NDUFAF6: variants seen among roughly 807,000 people sequenced by gnomAD.
The protein encoded by NDUFAF6 is NADH dehydrogenase (ubiquinone) complex I, assembly factor 6.
Under a neutral mutation model 40.8 loss-of-function variants are expected in NDUFAF6, and 45 were observed. The observed-to-expected ratio is 1.10, with a 90% CI of 0.87 to 1.42. The LOEUF (loss-of-function observed/expected upper bound fraction) is 1.42, where lower values mean the gene tolerates loss of function less well. Among genes scored for constraint, NDUFAF6 ranks in the 40% most tolerant of loss-of-function variants. The probability of loss-of-function intolerance (pLI) is 0.00; values close to 1 mark genes in which losing one functional copy is unlikely to be tolerated. For missense variants in NDUFAF6, 435 were observed against 418.5 expected (o/e 1.04, Z -0.34); for synonymous variants, 185 against 155.9 (o/e 1.19, Z -1.39).
upstream of NDUFAF6, among the ~76,000 whole-genome samples, chr8:95,020,271 T>C (rs374631057): frequency 7.9e-5 from 12 of 152,354 alleles, no homozygotes; most frequent in East Asian, 1.5e-3. Context: ...CTCTTTTTCA[T>C]AGCTGCTGAT....
intron 2 of NDUFAF6, among the ~76,000 whole-genome samples, chr8:95,010,093 G>C (rs889524994): frequency 1.3e-5 from 2 of 151,908 alleles, no homozygotes; most frequent in African/African-American, 4.8e-5. Context: ...AAGCTTAGTT[G>C]TACTTTTTTT....
At chr8:94,947,185 GCT>G (rs1330657328) in intron 2 of NDUFAF6, among the ~76,000 whole-genome samples, 3 of 151,590 alleles carry the variant, frequency 2.0e-5, no homozygotes, top group Admixed American at 6.6e-5. Flanking sequence ...CCCTATACAT[GCT>G]CTTTTAGGCT....
At chr8:94,968,397 C>T (rs917787418) in intron 1 of NDUFAF6, among the ~76,000 whole-genome samples, 1 of 152,128 alleles carries the variant, frequency 6.6e-6, no homozygotes, top group Non-Finnish European at 1.5e-5. Context: ...AGAAAATCAA[C>T]GCAGAGTAAG....
chr8:95,097,556 G>T (rs1044795152), upstream of NDUFAF6, among the ~76,000 whole-genome samples: 1 of 152,116 alleles, frequency 6.6e-6, no homozygotes. Context: ...AAAATTAGCC[G>T]GGCATGGTGG....
chr8:95,007,541 G>A (rs1208684340), intron 2 of NDUFAF6, among the ~76,000 whole-genome samples: 1 of 151,866 alleles, frequency 6.6e-6, no homozygotes, highest in African/African-American at 2.4e-5. Flanking sequence ...GTGCAAGCCT[G>A]TAGTCCCAAC....
rs112143008 is a variant in NDUFAF6, at chr8:94,967,707, G to A, written c.-199+9528G>A. ...TGTAATCCCAGCACTTTGGGAGGCC[G>A]AGGTGGGTGGATCACTTGAGGTCAG... On this transcript the variant is annotated intron_variant, in intron 1 of 9. Coordinates refer to the NDUFAF6 transcript ENST00000396111. Among the ~76,000 whole-genome samples, 143 of 152,064 alleles carry A rather than the reference G, an allele frequency of 9.4e-4. 1 individual carries two copies. Among genetic ancestry groups the A allele is most frequent in the African/African-American group, 3.2e-3 (134 of 41,482 alleles).
chr8:94,907,163 C>T (rs1023515607), intron 1 of NDUFAF6, among the ~76,000 whole-genome samples: 1 of 150,774 alleles, frequency 6.6e-6, no homozygotes, highest in Non-Finnish European at 1.5e-5. Context: ...TTACTCTAGC[C>T]AGAAGTGATG....
At chr8:95,045,799 C>G (rs1830681199) in intron 5 of NDUFAF6, 152 bp downstream of exon 5, 1 of 626,220 alleles carries the variant, frequency 1.6e-6, no homozygotes, top group South Asian at 2.0e-5. Context: ...TTATTATTAG[C>G]AAGAAGAAGA....
At chr8:95,049,457 C>T (rs1342378337) in intron 7 of NDUFAF6, among the ~76,000 whole-genome samples, 1 of 152,218 alleles carries the variant, frequency 6.6e-6, no homozygotes, top group African/African-American at 2.4e-5. Context: ...TTATTCCTTT[C>T]TGGTTCTCCT....
At chr8:94,988,599 C>G (rs914521288) in intron 2 of NDUFAF6, 3 of 151,992 alleles carry the variant, frequency 2.0e-5, no homozygotes, top group Non-Finnish European at 4.4e-5. Context: ...ATTTGCATTT[C>G]TTAGTTTCAT....
intron 2 of NDUFAF6, among the ~76,000 whole-genome samples, chr8:95,014,484 G>A (rs561210382): frequency 6.6e-6 from 1 of 152,350 alleles, no homozygotes; most frequent in East Asian, 1.9e-4. Context: ...TGGACAGCTG[G>A]CCTTTTCTCT....
At chr8:95,041,002 TTTAG>T (rs1377822015) in intron 3 of NDUFAF6, 1 of 152,354 alleles carries the variant, frequency 6.6e-6, no homozygotes, top group Non-Finnish European at 1.5e-5. Flanking sequence ...TTGTTGGAGT[TTTAG>T]TTACTCTATT....
chr8:94,904,725 C>A (rs533660031), intron 1 of NDUFAF6, among the ~76,000 whole-genome samples: 1 of 151,792 alleles, frequency 6.6e-6, no homozygotes, highest in South Asian at 2.1e-4. Flanking sequence ...TTTCCTGTTT[C>A]TTTCCTAAAG....
At chr8:95,038,371 CTTTTTGTTTT>C (rs1829751213) in intron 3 of NDUFAF6, among the ~76,000 whole-genome samples, 1 of 151,516 alleles carries the variant, frequency 6.6e-6, no homozygotes, top group Admixed American at 6.6e-5. Flanking sequence ...CGAATATTTT[CTTTTTGTTTT>C]TTTTTTTGAG....
At chr8:94,978,575 C>T (rs953201199) in intron 1 of NDUFAF6, among the ~76,000 whole-genome samples, 2 of 151,944 alleles carry the variant, frequency 1.3e-5, no homozygotes, top group Non-Finnish European at 2.9e-5. Context: ...CTTAGCCAGG[C>T]TTGGAGGTGC....
upstream of NDUFAF6, among the ~76,000 whole-genome samples, chr8:95,021,533 G>C (rs1433626031): frequency 6.6e-6 from 1 of 152,080 alleles, no homozygotes; most frequent in Non-Finnish European, 1.5e-5. Context: ...TCCCTTCTTG[G>C]CACGTGCTAC....
intron 1 of NDUFAF6, among the ~76,000 whole-genome samples, chr8:94,912,642 A>G (rs1011652297): frequency 7.2e-5 from 11 of 151,972 alleles, no homozygotes; most frequent in African/African-American, 2.7e-4. Context: ...TAAAAAAAAA[A>G]AAGAAAGAAA....
chr8:95,096,798 G>A (rs1174599573), upstream of NDUFAF6, among the ~76,000 whole-genome samples: 1 of 152,144 alleles, frequency 6.6e-6, no homozygotes. Context: ...TGCCATACCA[G>A]GTTCATTACC....
chr8:95,013,178 T>C (rs1461527786), intron 2 of NDUFAF6, among the ~76,000 whole-genome samples: 1 of 152,142 alleles, frequency 6.6e-6, no homozygotes, highest in Non-Finnish European at 1.5e-5. Flanking sequence ...CATAGCTCAC[T>C]GCAGCCTCAA....
Sources: allele counts gnomAD v4.1 joint callset (sites outside exome capture counted in the v4.1 genomes callset), GRCh38; gene constraint gnomAD v4.1.1; transcripts MANE v1.5; gene names NCBI Gene and HGNC (gene_info 2026-07-23, HGNC 2026-07-21).